CSMD3: variants seen among roughly 807,000 people sequenced by gnomAD.
The protein encoded by CSMD3 is CUB and sushi domain-containing protein 3.
CSMD3 carries 177 observed loss-of-function variants against 435.2 expected under a neutral mutation model. The ratio of observed to expected loss-of-function variants is 0.41; its 90% CI spans 0.36 to 0.46. The LOEUF (loss-of-function observed/expected upper bound fraction) is 0.46. Ranked by LOEUF, CSMD3 falls within the 20% of genes least tolerant of loss-of-function variation. The probability of loss-of-function intolerance (pLI) is 0.34; values close to 1 mark genes in which losing one functional copy is unlikely to be tolerated. For missense variants in CSMD3, 4,265 were observed against 4,504.6 expected (o/e 0.95, Z 1.52); for synonymous variants, 1,656 against 1,520.5 (o/e 1.09, Z -2.07).
intron 1 of CSMD3, among the ~76,000 whole-genome samples, chr8:113,393,536 G>C (rs972476805): frequency 6.6e-6 from 1 of 152,030 alleles, no homozygotes; most frequent in Non-Finnish European, 1.5e-5. Context: ...ATAAATTGAA[G>C]TGCAGTCTTC....
intron 32 of CSMD3, among the ~76,000 whole-genome samples, chr8:112,447,934 C>T (rs1384997918): frequency 3.3e-5 from 5 of 152,024 alleles, no homozygotes; most frequent in African/African-American, 9.7e-5. Flanking sequence ...GAAGTCCCAC[C>T]CAGCATACCT....
intron 64 of CSMD3, among the ~76,000 whole-genome samples, chr8:112,244,869 T>A (rs1254075481): frequency 6.6e-6 from 1 of 152,020 alleles, no homozygotes. Context: ...TGCTTTACCA[T>A]TTTAGAGAGT....
intron 5 of CSMD3, among the ~76,000 whole-genome samples, chr8:113,049,890 GACA>G (rs1391900112): frequency 1.3e-5 from 2 of 152,156 alleles, no homozygotes; most frequent in African/African-American, 4.8e-5. Flanking sequence ...TCAGAAGGCT[GACA>G]ACATTTCACA....
At chr8:112,608,938 G>A (rs1833012032) in intron 22 of CSMD3, among the ~76,000 whole-genome samples, 3 of 151,800 alleles carry the variant, frequency 2.0e-5, no homozygotes, top group African/African-American at 4.8e-5. Flanking sequence ...TAATTTCAGA[G>A]ATGATTTTTT....
intron 13 of CSMD3, among the ~76,000 whole-genome samples, chr8:112,725,330 T>C (rs1162434388): frequency 1.3e-5 from 2 of 151,862 alleles, no homozygotes; most frequent in East Asian, 1.9e-4. Flanking sequence ...GATAGAAGCA[T>C]TGCGACTTCA....
intron 6 of CSMD3, among the ~76,000 whole-genome samples, chr8:112,993,131 G>C (rs762887184): frequency 6.6e-6 from 1 of 151,588 alleles, no homozygotes; most frequent in Non-Finnish European, 1.5e-5. Flanking sequence ...TGAGTACTGC[G>C]ATTTAAAAAA....
chr8:113,014,289 T>C (rs1420136618), intron 6 of CSMD3, among the ~76,000 whole-genome samples: 1 of 152,150 alleles, frequency 6.6e-6, no homozygotes, highest in African/African-American at 2.4e-5. Flanking sequence ...ATTTGTTATA[T>C]AACAATTATT....
chr8:112,777,966 A>G (rs1246695877), intron 13 of CSMD3, among the ~76,000 whole-genome samples: 1 of 151,894 alleles, frequency 6.6e-6, no homozygotes, highest in Non-Finnish European at 1.5e-5. Context: ...AAGCTTTCCA[A>G]TGCTTCTACT....
At chr8:112,618,767 A>C (rs887916725) in intron 22 of CSMD3, among the ~76,000 whole-genome samples, 1 of 152,090 alleles carries the variant, frequency 6.6e-6, no homozygotes, top group Non-Finnish European at 1.5e-5. Context: ...TATCATAGAG[A>C]GGAGGGCTAA....
intron 62 of CSMD3, among the ~76,000 whole-genome samples, 199 bp downstream of exon 62, chr8:112,255,055 T>G (rs979108363): frequency 6.6e-6 from 1 of 152,148 alleles, no homozygotes; most frequent in Non-Finnish European, 1.5e-5. Context: ...TTCAAGTGTT[T>G]CTTCTGGAAG....
intron 16 of CSMD3, among the ~76,000 whole-genome samples, chr8:112,668,838 G>A (rs148801134): frequency 0.012 from 1,826 of 151,728 alleles, 18 homozygotes; most frequent in Non-Finnish European, 0.015. Context: ...GGGCACATGA[G>A]AGGAAAATGT....
chr8:112,926,488 G>T (rs1266195252), intron 9 of CSMD3, among the ~76,000 whole-genome samples: 1 of 152,050 alleles, frequency 6.6e-6, no homozygotes, highest in African/African-American at 2.4e-5. Context: ...CAAGTCATAA[G>T]GCAAATGATA....
intron 6 of CSMD3, among the ~76,000 whole-genome samples, chr8:113,017,873 A>C (rs1020699280): frequency 5.9e-5 from 9 of 152,062 alleles, no homozygotes; most frequent in Non-Finnish European, 1.0e-4. Context: ...TGTGAAAATA[A>C]ATTTTTCTAT....
chr8:112,809,047 C>T (rs1466701213), intron 12 of CSMD3, among the ~76,000 whole-genome samples: 1 of 152,000 alleles, frequency 6.6e-6, no homozygotes, highest in Admixed American at 6.6e-5. Flanking sequence ...ATTAGAATGA[C>T]ATCTGCAAAC....
intron 38 of CSMD3, among the ~76,000 whole-genome samples, chr8:112,372,798 G>A (rs952372046): frequency 6.6e-6 from 1 of 151,442 alleles, no homozygotes; most frequent in African/African-American, 2.4e-5. Context: ...GCAGTGAGCC[G>A]AGATAGTGCC....
intron 38 of CSMD3, among the ~76,000 whole-genome samples, chr8:112,355,432 A>G (rs1198033203): frequency 6.6e-6 from 1 of 152,212 alleles, no homozygotes; most frequent in Non-Finnish European, 1.5e-5. Context: ...ATGGGAGAAA[A>G]TGTTCATAAT....
rs186357075 is a variant in CSMD3 at position 112,538,382 on chromosome 8, G to T, written c.4564+12289C>A. The stretch of plus-strand genomic sequence containing the variant: ...TTAAATGAGAGAAAGAAACAAAAAG[G>T]CATCGAAATTAGGAAGAAGTAATAT... On this transcript the variant is annotated intron_variant, in intron 27 of 70. Coordinates refer to ENST00000297405, the MANE Select transcript of CSMD3 (RefSeq NM_198123.2). 1.2e-4 allele frequency among the ~76,000 whole-genome samples: 18 copies of T among 152,074 alleles called. No homozygotes were observed. The South Asian group carries it at 1.2e-3, about 11-fold the overall frequency.
intron 47 of CSMD3, among the ~76,000 whole-genome samples, chr8:112,318,455 A>T (rs1307690064): frequency 6.6e-6 from 1 of 152,054 alleles, no homozygotes; most frequent in Non-Finnish European, 1.5e-5. Context: ...CAGGTACTCA[A>T]CAAAGTTTAA....
chr8:112,966,924 G>A (rs1213592076), intron 7 of CSMD3, among the ~76,000 whole-genome samples: 1 of 151,804 alleles, frequency 6.6e-6, no homozygotes, highest in Non-Finnish European at 1.5e-5. Context: ...GATTATCCTA[G>A]TGGAGAACAA....
Sources: gnomAD v4.1 joint callset for allele counts (sites outside exome capture counted in the v4.1 genomes callset) on GRCh38, gnomAD v4.1.1 for gene constraint, MANE v1.5 for transcripts, NCBI Gene and HGNC (gene_info 2026-07-23, HGNC 2026-07-21) for gene names.